CHD9: variants seen among roughly 807,000 people sequenced by gnomAD.
CHD9 encodes chromodomain helicase DNA binding protein 9.
Under a neutral mutation model 316.1 loss-of-function variants are expected in CHD9, and 77 were observed. That is an observed-to-expected ratio of 0.24 (90% confidence interval 0.20 to 0.29). The LOEUF is 0.29. Among genes scored for constraint, CHD9 ranks in the 10% least tolerant of loss-of-function variants. The pLI is 1.00. For synonymous variants in CHD9, 1,129 were observed against 1,158.3 expected (o/e 0.97, Z 0.51); for missense variants, 2,763 against 3,438.1 (o/e 0.80, Z 4.91).
intron 2 of CHD9, among the ~76,000 whole-genome samples, chr16:53,164,330 T>A (rs1029865217): frequency 6.6e-6 from 1 of 152,066 alleles, no homozygotes; most frequent in Non-Finnish European, 1.5e-5. Flanking sequence ...TCCCAGCACT[T>A]TGGGAGATGG....
At chr16:53,082,621 G>A (rs1212214452) in intron 1 of CHD9, among the ~76,000 whole-genome samples, 2 of 152,210 alleles carry the variant, frequency 1.3e-5, no homozygotes, top group Non-Finnish European at 2.9e-5. Flanking sequence ...TATAGCCACT[G>A]CCCTGTTGGT....
intron 2 of CHD9, among the ~76,000 whole-genome samples, chr16:53,186,789 C>A (rs2044050147): frequency 1.3e-5 from 2 of 152,134 alleles, no homozygotes; most frequent in Admixed American, 6.5e-5. Context: ...AAGAGGATTC[C>A]CCCTTTGCTT....
rs59577921 is a variant in CHD9 at position 53,146,419 on chromosome 16, G to GTATGTATATATATATATATATA, written c.-164-9504_-164-9503insGTATATATATATATATATATAT. Among the ~76,000 whole-genome samples, 36 of 76,704 alleles carry GTATGTATATATATATATATATA rather than the reference G, an allele frequency of 4.7e-4. 2 individuals are homozygous for GTATGTATATATATATATATATA. Among genetic ancestry groups the GTATGTATATATATATATATATA allele is most frequent in the East Asian group, 7.0e-4 (2 of 2,864 alleles). The allele number at this position is 76,704 out of a possible 152,430, so 50.3% of individuals were successfully genotyped here. On this transcript the variant is annotated intron_variant, in intron 1 of 38. Transcript: ENST00000447540. ...AAAAAAAAATTGTGTGTGTGTGTAT[G>GTATGTATATATATATATATATA]TATATATATATATATATAATTAAAA...
At chr16:53,146,413 G>GTATATATATATATATATA (rs1361043895) in intron 1 of CHD9, among the ~76,000 whole-genome samples, 18 of 24,480 alleles carry the variant, frequency 7.4e-4, no homozygotes, top group East Asian at 2.3e-3. Flanking sequence ...TTGTGTGTGT[G>GTATATATATATATATATA]TGTATGTATA....
intron 34 of CHD9, among the ~76,000 whole-genome samples, chr16:53,309,636 G>C (rs772715296): frequency 2.6e-5 from 4 of 152,072 alleles, no homozygotes; most frequent in South Asian, 2.1e-4. Context: ...TTTTTGTTTT[G>C]TTTTGGATTT....
At chr16:53,085,854 G>C (rs955456348) in intron 1 of CHD9, among the ~76,000 whole-genome samples, 25 of 152,236 alleles carry the variant, frequency 1.6e-4, no homozygotes, top group African/African-American at 5.8e-4. Flanking sequence ...GGTTATTGAG[G>C]TGTGTTCTCC....
intron 1 of CHD9, among the ~76,000 whole-genome samples, chr16:53,100,706 C>T (rs975997447): frequency 1.5e-4 from 23 of 152,156 alleles, no homozygotes; most frequent in Non-Finnish European, 3.2e-4. Context: ...GCAATCCACC[C>T]ACCTTGGCCT....
chr16:53,282,334 T>G (rs1166508222), intron 24 of CHD9, among the ~76,000 whole-genome samples: 3 of 152,162 alleles, frequency 2.0e-5, no homozygotes, highest in Admixed American at 2.0e-4. Flanking sequence ...TGTAAGGGGT[T>G]CACAGTGACC....
chr16:53,101,972 C>T (rs879838120), intron 1 of CHD9, among the ~76,000 whole-genome samples: 1 of 152,016 alleles, frequency 6.6e-6, no homozygotes, highest in Non-Finnish European at 1.5e-5. Context: ...AGGAATGGGT[C>T]GTAGGAAAAA....
chr16:53,204,892 A>AT lies in CHD9; in HGVS notation c.1453-4590_1453-4589insT, dbSNP rs1301265616. On this transcript the variant is annotated intron_variant, in intron 2 of 38. Transcript: ENST00000447540. Reference sequence around the variant, plus strand: ...AGAGTTTCGCTCTGTTGCCCAGGCTAGAGTACGGTGGCATGATCTCAGCTG... The same window carrying AT: ...AGAGTTTCGCTCTGTTGCCCAGGCTATGAGTACGGTGGCATGATCTCAGCTG... Among the ~76,000 whole-genome samples the AT allele has an allele frequency of 1.8e-3, 276 of 152,136 alleles. 2 individuals carry two copies. The highest frequency in any genetic ancestry group is 6.3e-3 in the African/African-American group (261 of 41,508).
At position 53,326,285 on chromosome 16, in the gene CHD9, A is replaced by G. The variant is rs1230204943; in HGVS notation, c.*1390A>G. 6.6e-6 allele frequency: 1 copy of G among 152,478 alleles called. No homozygotes were observed. Among genetic ancestry groups the G allele is most frequent in the Non-Finnish European group, 1.5e-5 (1 of 67,932 alleles). The allele number at this position is 152,478 out of a possible 1,614,324, so 9.4% of individuals were successfully genotyped here. On this transcript the variant is annotated 3_prime_UTR_variant, in exon 39 of 39. Transcript: ENST00000447540. ...AAAAATATTGACATTCTAAGGAGAG[A>G]TATATGTTAGCATTTTTCTGGTACT...
In CHD9 at chr16:53,100,369, G is replaced by T. The variant is rs944198115; in HGVS notation, c.-165+45292G>T. 7.9e-5 allele frequency among the ~76,000 whole-genome samples: 12 copies of T among 151,706 alleles called. No homozygotes were observed. The South Asian group carries it at 1.7e-3, about 21-fold the overall frequency. ...AAATTAAAAGAGAAGTGATCCTTGG[G>T]TATCACACCTGTAAAAAGCGATATT... On this transcript the variant is annotated intron_variant, in intron 1 of 38. Transcript: ENST00000447540.
At chr16:53,206,688 G>A (rs181185297) in intron 2 of CHD9, among the ~76,000 whole-genome samples, 6 of 152,230 alleles carry the variant, frequency 3.9e-5, no homozygotes, top group Admixed American at 3.9e-4. Flanking sequence ...TAGGAATAGT[G>A]CCTGGTACAT....
intron 16 of CHD9, among the ~76,000 whole-genome samples, chr16:53,249,624 T>C (rs1289909422): frequency 6.6e-6 from 1 of 152,180 alleles, no homozygotes; most frequent in Non-Finnish European, 1.5e-5. Flanking sequence ...TGAAATAAAA[T>C]TTATTGTAGT....
chr16:53,274,771 T>C (rs764293856), intron 24 of CHD9, among the ~76,000 whole-genome samples: 2 of 152,006 alleles, frequency 1.3e-5, no homozygotes, highest in Non-Finnish European at 2.9e-5. Flanking sequence ...TATTTTTATT[T>C]TTCAATAACA....
Position 53,227,392 on chromosome 16 carries a change from A to G in CHD9, c.2044-4A>G. 6.4e-7 allele frequency: 1 copy of G among 1,553,224 alleles called. No individual in the cohort carries two copies. The highest frequency in any genetic ancestry group is 8.7e-7 in the Non-Finnish European group (1 of 1,146,168). ...TGTCATTATTTCTTTCCTCCCTCCCATAGGAGAATCCGAGTGAAGAAGATG... is the reference window on the plus strand; with the variant it reads ...TGTCATTATTTCTTTCCTCCCTCCCGTAGGAGAATCCGAGTGAAGAAGATG... On this transcript the variant is annotated splice_region_variant and splice_polypyrimidine_tract_variant and intron_variant, in intron 5 of 38. Transcript: ENST00000447540.
chr16:53,321,426 T>C lies in CHD9; in HGVS notation c.7714-100T>C, dbSNP rs1350124564. 6.4e-6 allele frequency: 9 copies of C among 1,397,638 alleles called. 1 individual carries two copies. Among genetic ancestry groups the C allele is most frequent in the South Asian group, 3.6e-5 (2 of 56,172 alleles). 86.6% of individuals were successfully genotyped at this position (1,397,638 alleles called of 1,614,324 possible). ...ATTACCTAAGGTGGTTCAAAAAATA[T>C]GTATTTTAAGGAAATAAACTCTGTA... On this transcript the variant is annotated intron_variant, in intron 37 of 38. Coordinates refer to ENST00000447540, the MANE Select transcript of CHD9 (RefSeq NM_001308319.2).
chr16:53,156,103 T>C lies in CHD9; in HGVS notation c.14T>C (p.Met5Thr). MTDP[M>T]MDFFDDANLF... ...AGAATTTTCAAGATGACAGATCCAA[T>C]GATGGACTTTTTTGATGATGCCAAT... is the stretch of plus-strand genomic sequence containing the variant. Residue 5 changes from methionine to threonine, a missense_variant, in exon 2 of 39, where the codon ATG becomes ACG. Physicochemically the swap from Met to Thr is moderately conservative, Grantham distance 81. This residue lies in a region of CHD9 where 859 missense variants were observed against 890.4 expected (regional missense o/e 0.96). Coordinates refer to ENST00000447540, the MANE Select transcript of CHD9 (RefSeq NM_001308319.2). 6.2e-7 allele frequency: 1 copy of C among 1,612,586 alleles called. No individual in the cohort carries two copies. Among genetic ancestry groups the C allele is most frequent in the African/African-American group, 1.3e-5 (1 of 75,008 alleles).
At chr16:53,308,399 G>A (rs1478840501) in intron 33 of CHD9, among the ~76,000 whole-genome samples, 1 of 151,546 alleles carries the variant, frequency 6.6e-6, no homozygotes, top group Non-Finnish European at 1.5e-5. Context: ...ACATAGAGAT[G>A]TATGTCTAAA....
Sources: gnomAD v4.1 joint callset for allele counts (sites outside exome capture counted in the v4.1 genomes callset) on GRCh38, gnomAD v4.1.1 for gene constraint, gnomAD v4.1.1 regional missense constraint, MANE v1.5 for transcripts, NCBI Gene and HGNC (gene_info 2026-07-23, HGNC 2026-07-21) for gene names.